The following EPHB1 variants were observed in gnomAD, a reference collection of about 807,000 sequenced individuals.
The protein encoded by EPHB1 is EPH receptor B1, also known as ephrin type-B receptor 1.
Under a neutral mutation model 94.4 loss-of-function variants are expected in EPHB1, and 30 were observed. That is an observed-to-expected ratio of 0.32 (90% CI 0.24 to 0.43). EPHB1 has a LOEUF of 0.43. Among genes scored for constraint, EPHB1 ranks in the 20% least tolerant of loss-of-function variants. EPHB1 has a pLI of 1.00. For synonymous variants in EPHB1, 522 were observed against 489.1 expected (o/e 1.07, Z -0.89); for missense variants, 1,055 against 1,308.3 (o/e 0.81, Z 2.99).
chr3:134,900,914 AC>A (rs1418146882), intron 1 of EPHB1, among the ~76,000 whole-genome samples: 6 of 152,326 alleles, frequency 3.9e-5, no homozygotes, highest in African/African-American at 1.4e-4. Context: ...CACATAGCAT[AC>A]AGTTGCATGG....
At chr3:134,810,582 T>C (rs912317304) in intron 1 of EPHB1, among the ~76,000 whole-genome samples, 1 of 152,312 alleles carries the variant, frequency 6.6e-6, no homozygotes, top group Non-Finnish European at 1.5e-5. Context: ...TATAGTATTG[T>C]CATAATGTAT....
At chr3:134,860,870 G>A (rs534114370) in intron 1 of EPHB1, among the ~76,000 whole-genome samples, 1 of 150,862 alleles carries the variant, frequency 6.6e-6, no homozygotes, top group South Asian at 2.1e-4. Flanking sequence ...ATGAGTCATT[G>A]CAACCCCCAG....
At chr3:134,993,506 G>A (rs1053387554) in intron 3 of EPHB1, among the ~76,000 whole-genome samples, 7 of 152,166 alleles carry the variant, frequency 4.6e-5, no homozygotes, top group South Asian at 2.1e-4. Flanking sequence ...CGGGAGTTCA[G>A]AACTCCATAA....
intron 4 of EPHB1, among the ~76,000 whole-genome samples, chr3:135,125,947 G>A (rs945447547): frequency 3.3e-5 from 5 of 152,054 alleles, no homozygotes; most frequent in African/African-American, 7.2e-5. Flanking sequence ...TCTCCAGGGC[G>A]CCTTCCAATC....
intron 1 of EPHB1, among the ~76,000 whole-genome samples, chr3:134,809,903 C>G (rs1412882698): frequency 6.6e-6 from 1 of 152,174 alleles, no homozygotes; most frequent in Non-Finnish European, 1.5e-5. Context: ...GAATTAGGTC[C>G]ATTTAATGGA....
chr3:134,863,331 G>A (rs926478379), intron 1 of EPHB1, among the ~76,000 whole-genome samples: 11 of 152,204 alleles, frequency 7.2e-5, no homozygotes, highest in Non-Finnish European at 1.3e-4. Context: ...CACAGCCAGT[G>A]AAATATCTTT....
chr3:134,982,073 T>G (rs959763512), intron 3 of EPHB1, among the ~76,000 whole-genome samples: 2 of 152,232 alleles, frequency 1.3e-5, no homozygotes, highest in African/African-American at 4.8e-5. Context: ...ATCATACAGC[T>G]ACAAGGTGGC....
intron 1 of EPHB1, among the ~76,000 whole-genome samples, chr3:134,868,743 A>C (rs2037434976): frequency 6.6e-6 from 1 of 152,248 alleles, no homozygotes; most frequent in African/African-American, 2.4e-5. Context: ...GTTGTGCACC[A>C]AATTATGGGA....
chr3:135,078,098 G>A (rs1938011993), intron 3 of EPHB1, among the ~76,000 whole-genome samples: 1 of 152,208 alleles, frequency 6.6e-6, no homozygotes, highest in African/African-American at 2.4e-5. Flanking sequence ...TTCAATCACA[G>A]TTATCTCAGT....
intron 10 of EPHB1, among the ~76,000 whole-genome samples, chr3:135,183,201 T>C (rs1176613979): frequency 7.8e-6 from 1 of 127,870 alleles, no homozygotes; most frequent in Non-Finnish European, 1.9e-5. Flanking sequence ...CCTTCCTTCC[T>C]CCCTCCCTCC....
chr3:135,056,910 G>C (rs115310176), intron 3 of EPHB1, among the ~76,000 whole-genome samples: 3 of 152,084 alleles, frequency 2.0e-5, no homozygotes, highest in African/African-American at 4.8e-5. Context: ...ACCCAAGTGC[G>C]TGTTATTCAG....
At chr3:135,064,685 CTGT>C (rs1449809004) in intron 3 of EPHB1, among the ~76,000 whole-genome samples, 8 of 151,452 alleles carry the variant, frequency 5.3e-5, no homozygotes, top group African/African-American at 1.9e-4. Context: ...TTTTTTTAAA[CTGT>C]TGTTTCAATT....
At chr3:134,874,436 A>G (rs73217004) in intron 1 of EPHB1, among the ~76,000 whole-genome samples, 7,486 of 152,328 alleles carry the variant, frequency 0.049, 237 homozygotes, top group South Asian at 0.11. Context: ...TGACACACGT[A>G]TACTGCAAAC....
rs769555643 is a variant in EPHB1, at chr3:134,938,048, A to G, written c.123+12168A>G. ...AGGAGAGACCCAGGAGGGGCAGCCC[A>G]TTATACCCTCTTTAAATACCCCAGC... On this transcript the variant is annotated intron_variant, in intron 2 of 15. Coordinates refer to ENST00000398015, the MANE Select transcript of EPHB1 (RefSeq NM_004441.5). Among the ~76,000 whole-genome samples the G allele has an allele frequency of 7.2e-5, 11 of 151,814 alleles. No homozygotes were observed. The South Asian group carries it at 2.1e-3, about 29-fold the overall frequency.
chr3:135,003,052 G>A (rs576832424), intron 3 of EPHB1, among the ~76,000 whole-genome samples: 14 of 152,176 alleles, frequency 9.2e-5, no homozygotes, highest in African/African-American at 2.6e-4. Flanking sequence ...TGTGATGTTA[G>A]GGTGTCAATT....
At position 134,802,787 on chromosome 3, in the gene EPHB1, T is replaced by G. The variant is rs534500641; in HGVS notation, c.58+7098T>G. ...GACAGCCTAGCAAATGAGTTCATTA[T>G]GCTCCCAGCCTTCTAGGGCAGGAAA... On this transcript the variant is annotated intron_variant, in intron 1 of 15. Transcript: ENST00000398015. Among the ~76,000 whole-genome samples, 3 of 152,320 alleles carry G rather than the reference T, an allele frequency of 2.0e-5. No homozygotes were observed. In the South Asian group the frequency reaches 6.2e-4, roughly 32 times the overall value.
chr3:135,109,767 A>G (rs538971211), intron 4 of EPHB1, among the ~76,000 whole-genome samples: 2 of 152,368 alleles, frequency 1.3e-5, no homozygotes, highest in South Asian at 4.1e-4. Flanking sequence ...AGAGCTTCTG[A>G]GAAGCTGCCG....
At chr3:134,976,098 G>T (rs1934182085) in intron 3 of EPHB1, among the ~76,000 whole-genome samples, 1 of 151,912 alleles carries the variant, frequency 6.6e-6, no homozygotes, top group African/African-American at 2.4e-5. Context: ...CCTCTGTACG[G>T]GTTAGTTAGT....
intron 9 of EPHB1, among the ~76,000 whole-genome samples, chr3:135,174,185 T>A (rs554064848): frequency 6.6e-6 from 1 of 152,290 alleles, no homozygotes; most frequent in East Asian, 1.9e-4. Flanking sequence ...TTTCAGTACA[T>A]CTGTCCCCTG....
Sources: allele counts gnomAD v4.1 joint callset (sites outside exome capture counted in the v4.1 genomes callset), GRCh38; gene constraint gnomAD v4.1.1; transcripts MANE v1.5; gene names NCBI Gene and HGNC (gene_info 2026-07-23, HGNC 2026-07-21).